The following RAI14 variants were observed in gnomAD, a reference collection of about 807,000 sequenced individuals.
RAI14 encodes the protein ankycorbin.
In RAI14, 45 loss-of-function variants were observed where a neutral mutation model predicts 115.4. The ratio of observed to expected loss-of-function variants is 0.39; its 90% confidence interval spans 0.31 to 0.50. The LOEUF is 0.50. Among genes scored for constraint, RAI14 ranks in the 20% least tolerant of loss-of-function variants. The pLI, the probability that RAI14 is intolerant of heterozygous loss-of-function variation, is 0.85. For missense variants in RAI14, 939 were observed against 1,131.2 expected, an observed-to-expected ratio of 0.83 and a Z score of 2.44; for synonymous variants, 371 against 415.4, an observed-to-expected ratio of 0.89 and a Z score of 1.30.
chr5:34,805,654 A>G (rs1467224449), intron 5 of RAI14, among the ~76,000 whole-genome samples: 2 of 152,184 alleles, frequency 1.3e-5, no homozygotes, highest in Non-Finnish European at 2.9e-5. Flanking sequence ...AGCCTGGCCA[A>G]CATGGTGAAA....
At position 34,824,495 on chromosome 5, in the gene RAI14, G is replaced by A. The variant is rs1324506693; in HGVS notation, c.2649+4G>A. On this transcript the variant is annotated splice_donor_region_variant and intron_variant, in intron 15 of 17. Coordinates refer to ENST00000265109, the MANE Select transcript of RAI14 (RefSeq NM_015577.3). ...GGAGGAAGATAAAGATAAAAAGGTT[G>A]GTGAAACTGTATTGCTGTTGGGTTT... The A allele has an allele frequency of 5.8e-6, 9 of 1,558,188 alleles. No homozygotes were observed. The highest frequency in any genetic ancestry group is 7.8e-6 in the Non-Finnish European group (9 of 1,154,298).
intron 3 of RAI14, among the ~76,000 whole-genome samples, chr5:34,781,535 A>G (rs928689256): frequency 1.3e-5 from 2 of 152,238 alleles, no homozygotes; most frequent in Non-Finnish European, 2.9e-5. Context: ...AACGTTTTAC[A>G]TCTGGACATT....
At chr5:34,679,657 G>T (rs1049742474) in intron 1 of RAI14, among the ~76,000 whole-genome samples, 1 of 152,106 alleles carries the variant, frequency 6.6e-6, no homozygotes, top group South Asian at 2.1e-4. Flanking sequence ...AGCATCTTCA[G>T]GTAGGCTTAG....
At chr5:34,671,070 C>G (rs1269196613) in intron 1 of RAI14, among the ~76,000 whole-genome samples, 4 of 152,286 alleles carry the variant, frequency 2.6e-5, no homozygotes, top group African/African-American at 9.6e-5. Flanking sequence ...TAAGCTAACA[C>G]AGTCTTACTT....
Position 34,821,738 on chromosome 5 carries a change from A to G in RAI14, c.1001A>G (p.Asp334Gly), listed in dbSNP as rs1014949633. The part of the protein sequence containing the change: ...DRLSDSTTGA[D>G]SLLDISSEAD... ...TGGCTTTCTCTTTCCCAAGGTGCTG[A>G]TAGCTTATTGGATATAAGTTCTGAA... Residue 334 changes from aspartate to glycine, a missense_variant, in exon 14 of 18, where the codon GAT (aspartate) becomes GGT (glycine). By Grantham distance (94) the Asp-to-Gly change is moderately conservative. Transcript: ENST00000265109. 7.6e-6 allele frequency: 12 copies of G among 1,586,920 alleles called. No individual in the cohort carries two copies. The highest frequency in any genetic ancestry group is 1.7e-5 in the Admixed American group (1 of 59,828).
At chr5:34,754,061 A>G (rs1747547715) in intron 2 of RAI14, among the ~76,000 whole-genome samples, 1 of 149,508 alleles carries the variant, frequency 6.7e-6, no homozygotes, top group Non-Finnish European at 1.5e-5. Flanking sequence ...AGGCTGGGCA[A>G]CAAGGTGAGA....
At chr5:34,658,314 C>T (rs457648) in intron 1 of RAI14, among the ~76,000 whole-genome samples, 55,179 of 152,032 alleles carry the variant, frequency 0.36, 11,726 homozygotes, top group South Asian at 0.59. Context: ...CTCCAGTCTG[C>T]TAGTTTTCAA....
At chr5:34,830,184 A>C (rs1388738220) in intron 17 of RAI14, among the ~76,000 whole-genome samples, 2 of 152,104 alleles carry the variant, frequency 1.3e-5, no homozygotes, top group Non-Finnish European at 2.9e-5. Context: ...GGGCTTTGCC[A>C]TGTTGCCCAG....
intron 3 of RAI14, among the ~76,000 whole-genome samples, chr5:34,781,211 G>A (rs756530013): frequency 6.7e-5 from 9 of 135,330 alleles, no homozygotes; most frequent in African/African-American, 2.1e-4. Context: ...ATCACACACC[G>A]GGGTCTGTCG....
intron 16 of RAI14, among the ~76,000 whole-genome samples, chr5:34,829,278 C>T (rs1561099631): frequency 6.6e-6 from 1 of 152,036 alleles, no homozygotes; most frequent in Non-Finnish European, 1.5e-5. Context: ...ACCTCTGCCT[C>T]CTAGGTTCAA....
intron 14 of RAI14, 78 bp from the exon 15 acceptor site, chr5:34,822,878 G>A (rs772274685): frequency 3.8e-5 from 47 of 1,243,284 alleles, no homozygotes; most frequent in East Asian, 7.1e-5. Flanking sequence ...TAGTAGAGAC[G>A]GGGTTTCACC....
At chr5:34,694,507 A>G (rs1002683676) in intron 2 of RAI14, among the ~76,000 whole-genome samples, 5 of 152,222 alleles carry the variant, frequency 3.3e-5, no homozygotes, top group Non-Finnish European at 7.3e-5. Flanking sequence ...TTAAAAAAGG[A>G]AAGTCAGTGT....
chr5:34,744,697 C>T (rs913394196), intron 2 of RAI14, among the ~76,000 whole-genome samples: 8 of 152,218 alleles, frequency 5.3e-5, no homozygotes, highest in African/African-American at 1.9e-4. Context: ...GTTTTCTCAT[C>T]AGTAACATGA....
At chr5:34,772,331 G>A (rs954865608) in intron 3 of RAI14, among the ~76,000 whole-genome samples, 1 of 152,134 alleles carries the variant, frequency 6.6e-6, no homozygotes, top group Non-Finnish European at 1.5e-5. Flanking sequence ...GGGACTTTGG[G>A]CAAGTTATTA....
At chr5:34,726,873 A>G (rs552614535) in intron 2 of RAI14, among the ~76,000 whole-genome samples, 1 of 152,296 alleles carries the variant, frequency 6.6e-6, no homozygotes, top group Admixed American at 6.5e-5. Flanking sequence ...TTCCTTTATA[A>G]ATTACCTAAT....
chr5:34,668,073 C>T (rs1306138745), intron 1 of RAI14, among the ~76,000 whole-genome samples: 1 of 152,126 alleles, frequency 6.6e-6, no homozygotes, highest in African/African-American at 2.4e-5. Flanking sequence ...GGCTCATGGA[C>T]AACCGGCTGC....
chr5:34,796,073 A>G (rs752925664), intron 4 of RAI14, 46 bp downstream of exon 4: 18 of 1,470,070 alleles, frequency 1.2e-5, no homozygotes, highest in Non-Finnish European at 1.3e-5. Flanking sequence ...GCACCAGATT[A>G]GGTATCAAAA....
intron 2 of RAI14, among the ~76,000 whole-genome samples, chr5:34,731,452 G>C (rs1273047793): frequency 6.6e-6 from 1 of 152,178 alleles, no homozygotes; most frequent in African/African-American, 2.4e-5. Context: ...TTAAACATCT[G>C]TGTATTTGTG....
rs766492727 is a variant in RAI14 at position 34,829,807 on chromosome 5, T to C, written c.2865+10T>C. 1 of 1,601,826 alleles carries C rather than the reference T, an allele frequency of 6.2e-7. No individual in the cohort carries two copies. On this transcript the variant is annotated intron_variant, in intron 17 of 17. Transcript: ENST00000265109. ...TCTGTATGCTGTGCAGGTATGGTTA[T>C]GCCCCTTGAAGTATCTGGACATCCT...
Sources: gnomAD v4.1 joint callset for allele counts (sites outside exome capture counted in the v4.1 genomes callset) on GRCh38, gnomAD v4.1.1 for gene constraint, MANE v1.5 for transcripts, NCBI Gene and HGNC (gene_info 2026-07-23, HGNC 2026-07-21) for gene names.